SAMD13: variants seen among roughly 807,000 people sequenced by gnomAD.
SAMD13 encodes sterile alpha motif domain-containing protein 13.
A neutral mutation model predicts 12.4 loss-of-function variants in SAMD13; 9 were observed. The observed-to-expected ratio is 0.72, with a 90% confidence interval of 0.44 to 1.26. The LOEUF is 1.26. Ranked by LOEUF, SAMD13 falls within the 50% of genes most tolerant of loss-of-function variation. SAMD13 has a pLI of 0.00. For missense variants in SAMD13, 84 were observed against 119.6 expected (o/e 0.70, Z 1.39); for synonymous variants, 46 against 45.4 (o/e 1.01, Z -0.05).
intron 1 of SAMD13, chr1:84,302,810 A>C: frequency 4.6e-6 from 1 of 218,168 alleles, no homozygotes. Context: ...AACAAATCAA[A>C]GCCCATAATG....
chr1:84,330,084 C>T (rs1679144603), intron 3 of SAMD13, among the ~76,000 whole-genome samples: 3 of 152,190 alleles, frequency 2.0e-5, no homozygotes, highest in Admixed American at 6.5e-5. Flanking sequence ...AGCAGACAAA[C>T]ATTTTAGGCT....
chr1:84,299,657 G>GTATGTA, upstream of SAMD13: 1 of 676,744 alleles, frequency 1.5e-6, no homozygotes, highest in Admixed American at 3.7e-5. Flanking sequence ...GAGTACTAGT[G>GTATGTA]TATATATATA....
chr1:84,341,725 A>G (rs1679430271), intron 3 of SAMD13, among the ~76,000 whole-genome samples: 1 of 152,136 alleles, frequency 6.6e-6, no homozygotes, highest in Admixed American at 6.6e-5. Flanking sequence ...CATAAAAAAA[A>G]TGGGTTTAAT....
intron 2 of SAMD13, among the ~76,000 whole-genome samples, chr1:84,318,628 A>G (rs1393760844): frequency 6.6e-6 from 1 of 152,192 alleles, no homozygotes; most frequent in Non-Finnish European, 1.5e-5. Context: ...CTTGGTCTAC[A>G]GTGTTGTTCA....
upstream of SAMD13, chr1:84,299,538 A>G: frequency 7.3e-7 from 1 of 1,365,906 alleles, no homozygotes. Context: ...CACACAAAGT[A>G]CACCACATAG....
chr1:84,299,616 G>T, upstream of SAMD13: 1 of 1,516,442 alleles, frequency 6.6e-7, no homozygotes, highest in East Asian at 2.5e-5. Flanking sequence ...GCAGAGGATT[G>T]ATGGCAAACA....
chr1:84,321,359 T>C (rs1678939243), intron 2 of SAMD13, among the ~76,000 whole-genome samples: 1 of 151,196 alleles, frequency 6.6e-6, no homozygotes. Flanking sequence ...AATAAAGCTA[T>C]ATATAAATAT....
At chr1:84,298,948 C>T (rs2101780688), upstream of SAMD13, among the ~76,000 whole-genome samples, 1 of 152,296 alleles carries the variant, frequency 6.6e-6, no homozygotes, top group South Asian at 2.1e-4. Context: ...ACTGCCTCTC[C>T]GTGAAAGTCT....
At chr1:84,325,416 A>C (rs953523749) in intron 2 of SAMD13, among the ~76,000 whole-genome samples, 2 of 152,214 alleles carry the variant, frequency 1.3e-5, no homozygotes, top group Non-Finnish European at 2.9e-5. Context: ...CTGGGCTGCC[A>C]GCAGTCACTG....
In SAMD13 at chr1:84,308,359, C is replaced by A. The variant is rs564010628; in HGVS notation, c.53+5072C>A. On this transcript the variant is annotated intron_variant, in intron 2 of 3. Coordinates refer to ENST00000394834, the MANE Select transcript of SAMD13 (RefSeq NM_001134663.2). Reference sequence around the variant, plus strand: ...TCTTAAGGCTATGTTGTGGAGGGGGCTGCCCCTATACATTGTAGGATGTTT... The same window carrying A: ...TCTTAAGGCTATGTTGTGGAGGGGGATGCCCCTATACATTGTAGGATGTTT... Among the ~76,000 whole-genome samples the A allele has an allele frequency of 9.1e-4, 139 of 152,218 alleles. 1 individual carries two copies. Among genetic ancestry groups the A allele is most frequent in the African/African-American group, 2.8e-3 (118 of 41,536 alleles).
chr1:84,331,451 T>C (rs1679184747), intron 3 of SAMD13, among the ~76,000 whole-genome samples: 1 of 151,734 alleles, frequency 6.6e-6, no homozygotes, highest in South Asian at 2.1e-4. Context: ...ACCTCACAAA[T>C]TGAGAATAAC....
At chr1:84,300,964 A>G (rs1226860755), upstream of SAMD13, among the ~76,000 whole-genome samples, 2 of 152,164 alleles carry the variant, frequency 1.3e-5, no homozygotes, top group Non-Finnish European at 2.9e-5. Flanking sequence ...TTTTTGTCCA[A>G]CTGGGATAAA....
intron 2 of SAMD13, among the ~76,000 whole-genome samples, chr1:84,309,862 G>C (rs763010797): frequency 1.3e-5 from 2 of 152,010 alleles, no homozygotes; most frequent in African/African-American, 2.4e-5. Flanking sequence ...TTATAATGAC[G>C]TACCCATTCA....
intron 2 of SAMD13, among the ~76,000 whole-genome samples, chr1:84,319,422 G>A (rs911167849): frequency 1.3e-5 from 2 of 151,972 alleles, no homozygotes; most frequent in Non-Finnish European, 2.9e-5. Flanking sequence ...CAGAAGTCAA[G>A]ACCACCCTGG....
chr1:84,298,563 G>C, upstream of SAMD13: 1 of 1,279,686 alleles, frequency 7.8e-7, no homozygotes, highest in Non-Finnish European at 9.9e-7. Flanking sequence ...CGGCCATGCG[G>C]GGAGGTAAGT....
intron 3 of SAMD13, among the ~76,000 whole-genome samples, chr1:84,349,239 A>C (rs1002423799): frequency 2.6e-5 from 4 of 152,204 alleles, no homozygotes; most frequent in African/African-American, 9.6e-5. Flanking sequence ...TCTAATTTAC[A>C]GAGTTGTTTT....
In SAMD13 at chr1:84,326,868, A is replaced by C. The variant is rs1182835662; in HGVS notation, c.165+1120A>C. Among the ~76,000 whole-genome samples the C allele has an allele frequency of 2.1e-4, 32 of 152,190 alleles. 1 individual carries two copies. The highest frequency in any genetic ancestry group is 2.1e-3 in the Admixed American group (32 of 15,270). ...TTCCTTCAACCTATATTTACTTCAGACTTGATCTTTGTACATAAGTATTTT... is the reference window on the plus strand; with the variant it reads ...TTCCTTCAACCTATATTTACTTCAGCCTTGATCTTTGTACATAAGTATTTT... On this transcript the variant is annotated intron_variant, in intron 3 of 3. Transcript: ENST00000394834.
chr1:84,330,902 G>A (rs1407050674), intron 3 of SAMD13, among the ~76,000 whole-genome samples: 2 of 152,046 alleles, frequency 1.3e-5, no homozygotes, highest in Non-Finnish European at 2.9e-5. Flanking sequence ...AAAATAATAT[G>A]CAACTCAAGG....
chr1:84,301,488 T>C (rs1678454339), upstream of SAMD13: 1 of 333,796 alleles, frequency 3.0e-6, no homozygotes, highest in Non-Finnish European at 4.3e-6. Context: ...ACAAGACAGG[T>C]GCAGGGAGAA....
Sources: gnomAD v4.1 joint callset for allele counts (sites outside exome capture counted in the v4.1 genomes callset) on GRCh38, gnomAD v4.1.1 for gene constraint, MANE v1.5 for transcripts, NCBI Gene and HGNC (gene_info 2026-07-23, HGNC 2026-07-21) for gene names.